Variants in PLEKHG4B observed in about 807,000 individuals in gnomAD.
The protein encoded by PLEKHG4B is pleckstrin homology and RhoGEF domain containing G4B.
A neutral mutation model predicts 121.3 loss-of-function variants in PLEKHG4B; 111 were observed. The ratio of observed to expected loss-of-function variants is 0.92; its 90% CI spans 0.78 to 1.07. PLEKHG4B has a LOEUF of 1.07. PLEKHG4B is among the 50% of genes least tolerant of loss of function. The probability of loss-of-function intolerance (pLI) is 0.00; values close to 1 mark genes in which losing one functional copy is unlikely to be tolerated. For missense variants in PLEKHG4B, 1,831 were observed against 1,757.8 expected (o/e 1.04, Z -0.74); for synonymous variants, 738 against 725.0 (o/e 1.02, Z -0.29).
rs771369035 is a variant in PLEKHG4B, at chr5:174,043, T to G, written c.4347T>G (p.Ser1449Arg). The change falls in exon 18 of 20, where the codon AGT (serine) becomes AGG (arginine). Residue 1449 changes from serine (S) to arginine (R), a missense_variant. Ser to Arg is a moderately radical substitution (Grantham distance 110, BLOSUM62 -1). Transcript: ENST00000637938. ...AAGCAAGCTCGGCAGAGGTCAAGAG[T>G]GCATGGACCGATGTCATAGGGAGGA... The part of the protein sequence containing the change: ...ILQASSAEVK[S>R]AWTDVIGRIL... The G allele has an allele frequency of 1.2e-5, 20 of 1,601,242 alleles. No homozygotes were observed. The South Asian group carries it at 1.9e-4, about 15-fold the overall frequency.
intron 1 of PLEKHG4B, among the ~76,000 whole-genome samples, chr5:98,585 C>T (rs1450589422): frequency 6.8e-6 from 1 of 146,902 alleles, no homozygotes; most frequent in African/African-American, 2.6e-5. Context: ...CAGGCATGTG[C>T]CACCATGCCT....
At chr5:174,873 G>A (rs540163831) in intron 18 of PLEKHG4B, among the ~76,000 whole-genome samples, 9 of 152,056 alleles carry the variant, frequency 5.9e-5, no homozygotes, top group Admixed American at 1.3e-4. Flanking sequence ...GCTGAGCTCC[G>A]TGACTCGATC....
At chr5:109,164 A>G (rs7707988) in intron 1 of PLEKHG4B, among the ~76,000 whole-genome samples, 36,834 of 151,928 alleles carry the variant, frequency 0.24, 7,534 homozygotes, top group African/African-American at 0.56. Context: ...TGCTTTTTGC[A>G]GGGAAATCAG....
At chr5:154,442 G>C (rs1427906414) in intron 7 of PLEKHG4B, among the ~76,000 whole-genome samples, 1 of 151,696 alleles carries the variant, frequency 6.6e-6, no homozygotes, top group African/African-American at 2.4e-5. Flanking sequence ...ACTCGCCCCT[G>C]CTGGCCCCGC....
In PLEKHG4B at chr5:186,542, A is replaced by T. The variant is rs1733632399; in HGVS notation, c.*4219A>T. 1 of 152,244 alleles carries T rather than the reference A, an allele frequency of 6.6e-6. No homozygotes were observed. Among genetic ancestry groups the T allele is most frequent in the Non-Finnish European group, 1.5e-5 (1 of 68,060 alleles). 9.4% of individuals were successfully genotyped at this position (152,244 alleles called of 1,614,324 possible). A position where few individuals can be genotyped will look rare whatever the true frequency, so the allele number is the denominator to read the frequency against. On this transcript the variant is annotated 3_prime_UTR_variant, in exon 20 of 20. Transcript: ENST00000637938. ...GGGGGCGCTGGGAGCTGAGGGGCCCACAGGGGACGTGGGAGACAGCCCCGA... is the reference window on the plus strand; with the variant it reads ...GGGGGCGCTGGGAGCTGAGGGGCCCTCAGGGGACGTGGGAGACAGCCCCGA...
chr5:148,078 C>T (rs1350044026), intron 6 of PLEKHG4B, among the ~76,000 whole-genome samples: 1 of 152,024 alleles, frequency 6.6e-6, no homozygotes, highest in Non-Finnish European at 1.5e-5. Context: ...AGGAAACTAC[C>T]TCAACATAAT....
At chr5:153,020 T>C (rs1198164933) in intron 7 of PLEKHG4B, among the ~76,000 whole-genome samples, 1 of 152,226 alleles carries the variant, frequency 6.6e-6, no homozygotes, top group African/African-American at 2.4e-5. Context: ...CTTTATAAAT[T>C]ACCCAGTCTC....
intron 2 of PLEKHG4B, among the ~76,000 whole-genome samples, chr5:138,117 G>A (rs1389440904): frequency 6.6e-6 from 1 of 152,204 alleles, no homozygotes; most frequent in African/African-American, 2.4e-5. Flanking sequence ...ACTTGGATTT[G>A]CCAGTGGCCC....
chr5:120,939 C>T lies in PLEKHG4B; in HGVS notation c.243+7491C>T, dbSNP rs919491652. On this transcript the variant is annotated intron_variant, in intron 2 of 19. Coordinates refer to ENST00000637938, the MANE Select transcript of PLEKHG4B (RefSeq NM_052909.5). Reference sequence around the variant, plus strand: ...TGAAGAGGTGGAGAGTTTCAGATTTCGAAAGTATTTTAAAAGAAGAAAATG... The same window carrying T: ...TGAAGAGGTGGAGAGTTTCAGATTTTGAAAGTATTTTAAAAGAAGAAAATG... Among the ~76,000 whole-genome samples, 7 of 152,032 alleles carry T rather than the reference C, an allele frequency of 4.6e-5. No individual in the cohort carries two copies. In the East Asian group the frequency reaches 5.8e-4, roughly 13 times the overall value.
At chr5:126,496 G>A (rs532528663) in intron 2 of PLEKHG4B, among the ~76,000 whole-genome samples, 1 of 151,802 alleles carries the variant, frequency 6.6e-6, no homozygotes, top group African/African-American at 2.4e-5. Flanking sequence ...TTTCCTAGTA[G>A]GTCTACTATC....
intron 18 of PLEKHG4B, among the ~76,000 whole-genome samples, chr5:177,408 T>C (rs1736791422): frequency 6.6e-6 from 1 of 152,240 alleles, no homozygotes; most frequent in Non-Finnish European, 1.5e-5. Flanking sequence ...ATGTATTACC[T>C]AATTTCCAAG....
chr5:143,549 A>C, intron 5 of PLEKHG4B, 46 bp downstream of exon 5: 1 of 1,599,494 alleles, frequency 6.3e-7, no homozygotes, highest in Non-Finnish European at 8.5e-7. Context: ...ATGGGACCCC[A>C]GCTGCATGTG....
In PLEKHG4B at chr5:155,381, A is replaced by G. The variant is rs1735741807; in HGVS notation, c.2146A>G (p.Ile716Val). ...EHFAANCEEA[I>V]IFLQNSFCSL... ...CTTCGCTGCAAACTGTGAAGAAGCC[A>G]TCATTTTCCTACAGAATTCATTCTG... Residue 716 changes from isoleucine (I) to valine (V), a missense_variant, in exon 9 of 20, where the codon ATC becomes GTC. Ile to Val is a conservative substitution (Grantham distance 29). Transcript: ENST00000637938. 6.2e-7 allele frequency: 1 copy of G among 1,614,230 alleles called. No individual in the cohort carries two copies. The highest frequency in any genetic ancestry group is 1.7e-5 in the Admixed American group (1 of 60,026).
chr5:93,029 A>G (rs1733519131), intron 1 of PLEKHG4B, among the ~76,000 whole-genome samples: 1 of 152,164 alleles, frequency 6.6e-6, no homozygotes, highest in Admixed American at 6.5e-5. Flanking sequence ...GTGTGAAACT[A>G]AAGAGTGGTT....
chr5:165,053 CGGGGCGG>C (rs1736257926), intron 13 of PLEKHG4B, among the ~76,000 whole-genome samples: 1 of 70,946 alleles, frequency 1.4e-5, no homozygotes, highest in Non-Finnish European at 3.1e-5. Flanking sequence ...AATGCTCTGA[CGGGGCGG>C]AGCTCACACT....
Position 140,297 on chromosome 5 carries a change from G to A in PLEKHG4B, c.1058G>A (p.Arg353Lys), listed in dbSNP as rs1285333134. ...PTCVQPRRWF[R>K]ESYMEALRNP... ...TGTGTGCAGCCTAGACGCTGGTTCA[G>A]GGAGTCGTACATGGAAGCCTTGCGG... Residue 353 changes from arginine (R) to lysine (K), a missense_variant, in exon 3 of 20, where the codon AGG (arginine) becomes AAG (lysine). Transcript: ENST00000637938. 2.0e-5 allele frequency: 30 copies of A among 1,484,512 alleles called. No homozygotes were observed. The highest frequency in any genetic ancestry group is 2.6e-5 in the Non-Finnish European group (29 of 1,118,988). The allele number at this position is 1,484,512 out of a possible 1,614,324, so 92.0% of individuals were successfully genotyped here.
At chr5:173,714 C>T (rs1244872371) in intron 17 of PLEKHG4B, among the ~76,000 whole-genome samples, 1 of 151,980 alleles carries the variant, frequency 6.6e-6, no homozygotes, top group East Asian at 1.9e-4. Flanking sequence ...GGACAGCTAT[C>T]CTGCACACAG....
rs1197756179 is a variant in PLEKHG4B, at chr5:181,628, G to A, written c.4517G>A (p.Cys1506Tyr). Residue 1506 changes from cysteine to tyrosine, a missense_variant, in exon 19 of 20, where the codon TGT becomes TAT. By Grantham distance (194) the Cys-to-Tyr change is radical. Transcript: ENST00000637938. ...CAVISDRAPK[C>Y]AVMSDRVPDS... Reference sequence around the variant, plus strand: ...GTGATAAGCGACCGGGCTCCCAAATGTGCAGTGATGAGCGACCGAGTCCCC... The same window carrying A: ...GTGATAAGCGACCGGGCTCCCAAATATGCAGTGATGAGCGACCGAGTCCCC... 1 of 1,613,896 alleles carries A rather than the reference G, an allele frequency of 6.2e-7. No homozygotes were observed. The highest frequency in any genetic ancestry group is 8.5e-7 in the Non-Finnish European group (1 of 1,179,872).
chr5:182,652 G>A lies in PLEKHG4B; in HGVS notation c.*329G>A, dbSNP rs1316035684. The A allele has an allele frequency of 1.3e-5, 4 of 299,208 alleles. No individual in the cohort carries two copies. The highest frequency in any genetic ancestry group is 7.0e-5 in the East Asian group (1 of 14,332). The allele number at this position is 299,208 out of a possible 1,614,324, so 18.5% of individuals were successfully genotyped here. A position where few individuals can be genotyped will look rare whatever the true frequency, so the allele number is the denominator to read the frequency against. ...ACAAGACATTTGGCAACAAAGGACC[G>A]CGATCCCTGAGAGACAGGAAAACGG... On this transcript the variant is annotated 3_prime_UTR_variant, in exon 20 of 20. Transcript: ENST00000637938.
Sources: allele counts gnomAD v4.1 joint callset (sites outside exome capture counted in the v4.1 genomes callset), GRCh38; gene constraint gnomAD v4.1.1; transcripts MANE v1.5; gene names NCBI Gene and HGNC (gene_info 2026-07-23, HGNC 2026-07-21).